DENND4A: variants seen among roughly 807,000 people sequenced by gnomAD.
DENND4A encodes the protein C-myc promoter-binding protein.
A neutral mutation model predicts 199.3 loss-of-function variants in DENND4A; 70 were observed. That is an observed-to-expected ratio of 0.35 (90% CI 0.29 to 0.43). DENND4A has a LOEUF of 0.43. Among genes scored for constraint, DENND4A ranks in the 20% least tolerant of loss-of-function variants. DENND4A has a pLI of 1.00. For missense variants in DENND4A, 1,723 were observed against 2,255.8 expected (o/e 0.76, Z 4.78); for synonymous variants, 686 against 766.9 (o/e 0.89, Z 1.74).
intron 14 of DENND4A, among the ~76,000 whole-genome samples, chr15:65,706,510 T>TA (rs1567027937): frequency 3.6e-4 from 42 of 117,838 alleles, no homozygotes; most frequent in African/African-American, 1.0e-3. Flanking sequence ...ATATATATAT[T>TA]TTTTTTTGAG....
chr15:65,706,229 A>C lies in DENND4A; in HGVS notation c.1954-5T>G. ...ACCGCTCTTGTCCATATCCACCTAA[A>C]GGAGTTTTAAAAACATATATTAAAA... On this transcript the variant is annotated splice_polypyrimidine_tract_variant and splice_region_variant and intron_variant, in intron 14 of 32. Transcript: ENST00000443035. The C allele has an allele frequency of 6.6e-7, 1 of 1,520,276 alleles. No homozygotes were observed. The highest frequency in any genetic ancestry group is 8.8e-7 in the Non-Finnish European group (1 of 1,135,428). The allele number at this position is 1,520,276 out of a possible 1,614,324, so 94.2% of individuals were successfully genotyped here. A position where few individuals can be genotyped will look rare whatever the true frequency, so the allele number is the denominator to read the frequency against.
chr15:65,671,339 C>T (rs1248643012), intron 25 of DENND4A, among the ~76,000 whole-genome samples: 2 of 152,188 alleles, frequency 1.3e-5, no homozygotes, highest in African/African-American at 4.8e-5. Context: ...TTTAACTTTA[C>T]TCAGATGCAA....
At chr15:65,732,520 C>G (rs1297224263) in intron 8 of DENND4A, among the ~76,000 whole-genome samples, 2 of 152,092 alleles carry the variant, frequency 1.3e-5, no homozygotes, top group African/African-American at 4.8e-5. Flanking sequence ...TTCAAAATGT[C>G]TACTTCAACC....
At chr15:65,760,697 T>C (rs2140746979) in intron 2 of DENND4A, among the ~76,000 whole-genome samples, 1 of 152,238 alleles carries the variant, frequency 6.6e-6, no homozygotes, top group South Asian at 2.1e-4. Context: ...AAGACCAGCC[T>C]GGCCAACATG....
rs2075975718 is a variant in DENND4A, at chr15:65,664,574, A to G, written c.5508T>C (p.His1836=). The G allele has an allele frequency of 6.2e-7, 1 of 1,612,306 alleles. No individual in the cohort carries two copies. Among genetic ancestry groups the G allele is most frequent in the South Asian group, 1.1e-5 (1 of 90,948 alleles). ...QILETLNKCP[H]FKRQRSLYRE... ...GAAGGACTTACCTCTGTCTTTTAAA[A>G]TGTGGACACTTATTCAGTGTCTCTA... Residue 1836 remains histidine, a synonymous_variant, in exon 31 of 33, where the codon CAT becomes CAC. Coordinates refer to ENST00000443035, the MANE Select transcript of DENND4A (RefSeq NM_001320835.1).
rs375295387 is a variant in DENND4A, at chr15:65,746,838, C to T, written c.562-5054G>A. On this transcript the variant is annotated intron_variant, in intron 4 of 32. Coordinates refer to ENST00000443035, the MANE Select transcript of DENND4A (RefSeq NM_001320835.1). ...CTGTAATCCCAGCACTTTGGGAGGC[C>T]GAGGCAGGCGGATCACTTGAGATCA... is the stretch of plus-strand genomic sequence containing the variant. Among the ~76,000 whole-genome samples, 8 of 150,854 alleles carry T rather than the reference C, an allele frequency of 5.3e-5. No individual in the cohort carries two copies. In the East Asian group the frequency reaches 7.8e-4, roughly 15 times the overall value.
In DENND4A at chr15:65,752,639, A is replaced by G. The variant is rs778682829; in HGVS notation, c.312-11T>C. On this transcript the variant is annotated splice_polypyrimidine_tract_variant and intron_variant, in intron 3 of 32. Transcript: ENST00000443035. ...CAGTCATATAAAACCCTAAAAATAA[A>G]TTTTTAAAAATAAATACACAAAGCA... is the stretch of plus-strand genomic sequence containing the variant. 6.9e-7 allele frequency: 1 copy of G among 1,447,672 alleles called. No homozygotes were observed. The highest frequency in any genetic ancestry group is 9.3e-7 in the Non-Finnish European group (1 of 1,073,598). The allele number at this position is 1,447,672 out of a possible 1,614,324, so 89.7% of individuals were successfully genotyped here.
chr15:65,760,295 G>A lies in DENND4A; in HGVS notation c.-23+1065C>T, dbSNP rs368140230. On this transcript the variant is annotated intron_variant, in intron 2 of 32. Transcript: ENST00000443035. ...GCAGATCACTTGAGGTTAGGAGTTC[G>A]AGACCAGGCTGGCTAACACGGTGAA... 3.6e-4 allele frequency among the ~76,000 whole-genome samples: 55 copies of A among 151,166 alleles called. 1 individual carries two copies. In the East Asian group the frequency reaches 9.7e-3, roughly 27 times the overall value.
At chr15:65,780,425 A>G (rs2077407913) in intron 1 of DENND4A, among the ~76,000 whole-genome samples, 1 of 152,226 alleles carries the variant, frequency 6.6e-6, no homozygotes, top group African/African-American at 2.4e-5. Flanking sequence ...ATTTTAAATA[A>G]GCAACTAATT....
At chr15:65,732,110 C>A (rs1200681175) in intron 8 of DENND4A, among the ~76,000 whole-genome samples, 2 of 152,066 alleles carry the variant, frequency 1.3e-5, no homozygotes, top group African/African-American at 4.8e-5. Flanking sequence ...CCCAGCTGCT[C>A]TTGTGCTGTA....
intron 24 of DENND4A, among the ~76,000 whole-genome samples, chr15:65,675,310 A>G (rs2076340406): frequency 1.3e-5 from 2 of 152,228 alleles, no homozygotes; most frequent in South Asian, 4.1e-4. Flanking sequence ...GAAAATATTA[A>G]GAAGGAAACC....
intron 11 of DENND4A, among the ~76,000 whole-genome samples, chr15:65,726,524 T>C (rs2075808009): frequency 3.3e-5 from 5 of 152,184 alleles, no homozygotes. Flanking sequence ...AAAATATATT[T>C]CATATTTTCT....
At position 65,661,999 on chromosome 15, in the gene DENND4A, G is replaced by T. The variant is rs368042519; in HGVS notation, c.5588-12C>A. 1.3e-6 allele frequency: 2 copies of T among 1,597,718 alleles called. No homozygotes were observed. The highest frequency in any genetic ancestry group is 2.7e-5 in the African/African-American group (2 of 74,082). On this transcript the variant is annotated splice_polypyrimidine_tract_variant and intron_variant, in intron 32 of 32. Transcript: ENST00000443035. The stretch of plus-strand genomic sequence containing the variant: ...TTTATCAAAAGCATCTGCAGAAATT[G>T]ATAAAGAAATAAAAGAATAAAGAAA...
rs932962508 is a variant in DENND4A, at chr15:65,751,056, G to A, written c.561+1323C>T. On this transcript the variant is annotated intron_variant, in intron 4 of 32. Transcript: ENST00000443035. Reference sequence around the variant, plus strand: ...AAAAAAAAGAGATGACTATGAGACAGAGATTGTATGACCTGTAAAACTTAA... The same window carrying A: ...AAAAAAAAGAGATGACTATGAGACAAAGATTGTATGACCTGTAAAACTTAA... Among the ~76,000 whole-genome samples, 40 of 152,126 alleles carry A rather than the reference G, an allele frequency of 2.6e-4. 1 individual carries two copies. The highest frequency in any genetic ancestry group is 2.0e-3 in the Admixed American group (30 of 15,260).
chr15:65,732,044 TG>T (rs1477223516), intron 8 of DENND4A, among the ~76,000 whole-genome samples: 3 of 152,088 alleles, frequency 2.0e-5, no homozygotes, highest in African/African-American at 7.2e-5. Context: ...ATAGATTGCC[TG>T]TTTTTGTAAA....
rs1350552819 is a variant in DENND4A, at chr15:65,737,952, A to G, written c.802-7T>C. On this transcript the variant is annotated splice_region_variant and splice_polypyrimidine_tract_variant and intron_variant, in intron 6 of 32. Transcript: ENST00000443035. ...GAATAGCAGCACCATAAACCTGCAA[A>G]ACAAGTAATATATCCAGTAAATATA... 6.4e-7 allele frequency: 1 copy of G among 1,566,116 alleles called. No individual in the cohort carries two copies. The highest frequency in any genetic ancestry group is 8.7e-7 in the Non-Finnish European group (1 of 1,153,740).
chr15:65,720,980 T>TATATATA (rs1252582952), intron 12 of DENND4A, among the ~76,000 whole-genome samples: 7 of 122,784 alleles, frequency 5.7e-5, no homozygotes, highest in African/African-American at 1.8e-4. Context: ...TATATATATA[T>TATATATA]ATTTGTACTT....
intron 23 of DENND4A, among the ~76,000 whole-genome samples, chr15:65,677,900 G>A (rs1238832355): frequency 7.1e-6 from 1 of 140,384 alleles, no homozygotes; most frequent in Non-Finnish European, 1.6e-5. Context: ...TGTTAGTTTT[G>A]GTATTTTAGA....
chr15:65,744,781 G>A (rs1037358247), intron 4 of DENND4A, among the ~76,000 whole-genome samples: 1 of 152,046 alleles, frequency 6.6e-6, no homozygotes, highest in Non-Finnish European at 1.5e-5. Flanking sequence ...TTGTTGGCTT[G>A]TTTCTCATGT....
Sources: allele counts gnomAD v4.1 joint callset (sites outside exome capture counted in the v4.1 genomes callset), GRCh38; gene constraint gnomAD v4.1.1; transcripts MANE v1.5; gene names NCBI Gene and HGNC (gene_info 2026-07-23, HGNC 2026-07-21).